DRC11: variants seen among roughly 807,000 people sequenced by gnomAD.
The protein encoded by DRC11 is dynein regulatory complex subunit 11.
At chr2:236,328,232 T>C in the DRC11 span, among the ~76,000 whole-genome samples, 2 of 152,206 alleles carry the variant, frequency 1.3e-5, no homozygotes, top group Non-Finnish European at 2.9e-5. The surrounding 1 kb of genome is among the most constrained non-coding windows in gnomAD (Gnocchi z 6.7). Context: ...CTATGTACCC[T>C]GACTTGGCTA....
At chr2:236,408,271 C>T in the DRC11 span, 22 of 857,728 alleles carry the variant, frequency 2.6e-5, no homozygotes, top group African/African-American at 9.9e-5. The surrounding 1 kb of genome is among the most constrained non-coding windows in gnomAD (Gnocchi z 5.5). Flanking sequence ...CTGCCCAGCA[C>T]GTGCCACAGA....
chr2:236,504,776 G>A, the DRC11 span, among the ~76,000 whole-genome samples: 3 of 152,184 alleles, frequency 2.0e-5, no homozygotes, highest in Admixed American at 6.5e-5. This position sits in a 1 kb window ranked among gnomAD's most constrained non-coding sequence, Gnocchi z 5.0. Flanking sequence ...GAGTTCTCAC[G>A]AGATCGGACG....
chr2:236,381,210 G>C, the DRC11 span, among the ~76,000 whole-genome samples: 3 of 152,314 alleles, frequency 2.0e-5, no homozygotes, highest in South Asian at 6.2e-4. This position sits in a 1 kb window ranked among gnomAD's most constrained non-coding sequence, Gnocchi z 5.8. Context: ...GGCCTCACCA[G>C]ACACAAAATC....
At chr2:236,395,216 G>A in the DRC11 span, among the ~76,000 whole-genome samples, 582 of 152,232 alleles carry the variant, frequency 3.8e-3, 4 homozygotes, top group Non-Finnish European at 6.7e-3. Context: ...ATTCACACGG[G>A]GCAGGTGGCC....
the DRC11 span, among the ~76,000 whole-genome samples, chr2:236,311,301 T>C: frequency 6.6e-6 from 1 of 152,178 alleles, no homozygotes; most frequent in Non-Finnish European, 1.5e-5. This position sits in a 1 kb window ranked among gnomAD's most constrained non-coding sequence, Gnocchi z 6.9. Flanking sequence ...GTGGTGGTGC[T>C]CACTCCACAG....
the DRC11 span, chr2:236,493,834 T>C: frequency 6.2e-7 from 1 of 1,607,566 alleles, no homozygotes; most frequent in South Asian, 1.1e-5. Context: ...TTCCTTTTAT[T>C]ACTTCCAACT....
At chr2:236,504,805 C>G in the DRC11 span, among the ~76,000 whole-genome samples, 2 of 152,186 alleles carry the variant, frequency 1.3e-5, no homozygotes, top group African/African-American at 4.8e-5. The surrounding 1 kb of genome is among the most constrained non-coding windows in gnomAD (Gnocchi z 5.0). Context: ...AGGGGCTTTT[C>G]TCCCCACTTT....
At chr2:236,449,619 T>A in the DRC11 span, among the ~76,000 whole-genome samples, 4 of 152,244 alleles carry the variant, frequency 2.6e-5, no homozygotes, top group Non-Finnish European at 5.9e-5. The surrounding 1 kb of genome is among the most constrained non-coding windows in gnomAD (Gnocchi z 5.1). Flanking sequence ...GGCACACTAC[T>A]ACTCTATTCA....
chr2:236,455,580 T>C, the DRC11 span, among the ~76,000 whole-genome samples: 1 of 152,200 alleles, frequency 6.6e-6, no homozygotes, highest in African/African-American at 2.4e-5. This position sits in a 1 kb window ranked among gnomAD's most constrained non-coding sequence, Gnocchi z 5.7. Flanking sequence ...ACAGCGAGTA[T>C]GGTCGCTCTC....
At chr2:236,388,567 AT>A in the DRC11 span, among the ~76,000 whole-genome samples, 1 of 147,854 alleles carries the variant, frequency 6.8e-6, no homozygotes, top group Non-Finnish European at 1.5e-5. Flanking sequence ...ATTCTTCTAA[AT>A]TTTTTTCAAA....
chr2:236,389,311 G>A, the DRC11 span, among the ~76,000 whole-genome samples: 3 of 152,196 alleles, frequency 2.0e-5, no homozygotes, highest in Non-Finnish European at 4.4e-5. Flanking sequence ...AGCAACCAGC[G>A]AGACTCCATG....
chr2:236,311,004 G>C, the DRC11 span, among the ~76,000 whole-genome samples: 3 of 152,234 alleles, frequency 2.0e-5, no homozygotes, highest in African/African-American at 7.2e-5. The surrounding 1 kb of genome is among the most constrained non-coding windows in gnomAD (Gnocchi z 6.9). Flanking sequence ...TCAAGAGGGA[G>C]CTATCATGCC....
At chr2:236,454,612 C>CT in the DRC11 span, 1 of 152,172 alleles carries the variant, frequency 6.6e-6, no homozygotes, top group Non-Finnish European at 1.5e-5. This position sits in a 1 kb window ranked among gnomAD's most constrained non-coding sequence, Gnocchi z 5.3. Flanking sequence ...TCTAAAACCT[C>CT]TTTTTTCATG....
the DRC11 span, among the ~76,000 whole-genome samples, chr2:236,437,055 A>G: frequency 6.7e-6 from 1 of 149,254 alleles, no homozygotes; most frequent in Non-Finnish European, 1.5e-5. Context: ...CTCATCATCT[A>G]GCATTAGGTA....
chr2:236,378,963 T>A, the DRC11 span, among the ~76,000 whole-genome samples: 1 of 152,138 alleles, frequency 6.6e-6, no homozygotes, highest in African/African-American at 2.4e-5. Context: ...CCTCCCCCTA[T>A]GGATGTCCCG....
chr2:236,325,492 T>C, the DRC11 span, among the ~76,000 whole-genome samples: 2 of 152,198 alleles, frequency 1.3e-5, no homozygotes, highest in East Asian at 1.9e-4. The surrounding 1 kb of genome is among the most constrained non-coding windows in gnomAD (Gnocchi z 4.4). Flanking sequence ...CATTTAGAAA[T>C]AGAACTCCTG....
chr2:236,422,294 A>G, the DRC11 span, among the ~76,000 whole-genome samples: 1 of 152,214 alleles, frequency 6.6e-6, no homozygotes, highest in Non-Finnish European at 1.5e-5. Flanking sequence ...ACATGATTGT[A>G]TATCTAGAAA....
chr2:236,449,453 C>G, the DRC11 span, among the ~76,000 whole-genome samples: 1 of 152,212 alleles, frequency 6.6e-6, no homozygotes, highest in South Asian at 2.1e-4. This position sits in a 1 kb window ranked among gnomAD's most constrained non-coding sequence, Gnocchi z 5.1. Flanking sequence ...CCGAGTGACT[C>G]AGGCCGTGTT....
the DRC11 span, among the ~76,000 whole-genome samples, chr2:236,348,558 G>C: frequency 4.4e-5 from 2 of 45,930 alleles, no homozygotes; most frequent in African/African-American, 3.0e-4. The surrounding 1 kb of genome is among the most constrained non-coding windows in gnomAD (Gnocchi z 7.4). Flanking sequence ...TAAGTGAGGA[G>C]GGGGCGGAGC....
Sources: allele counts gnomAD v4.1 joint callset (sites outside exome capture counted in the v4.1 genomes callset), GRCh38; gene constraint gnomAD v4.1.1; non-coding constraint Gnocchi (gnomAD v3.1); transcripts MANE v1.5; gene names NCBI Gene and HGNC (gene_info 2026-07-23, HGNC 2026-07-21).